The following NCOR1 variants were observed in gnomAD, a reference collection of about 807,000 sequenced individuals.
NCOR1 encodes the protein protein phosphatase 1, regulatory subunit 109.
A neutral mutation model predicts 288.1 loss-of-function variants in NCOR1; 63 were observed. That is an observed-to-expected ratio of 0.22 (90% confidence interval 0.18 to 0.27). NCOR1 has a LOEUF of 0.27. Among genes scored for constraint, NCOR1 ranks in the 10% least tolerant of loss-of-function variants. NCOR1 has a pLI of 1.00. For synonymous variants in NCOR1, 1,007 were observed against 1,065.9 expected (o/e 0.94, Z 1.08); for missense variants, 2,397 against 3,019.2 (o/e 0.79, Z 4.83).
At position 16,057,277 on chromosome 17, in the gene NCOR1, A is replaced by T. The variant is rs2060043905; in HGVS notation, c.6392+237T>A. 5 of 506,706 alleles carry T rather than the reference A, an allele frequency of 9.9e-6. No homozygotes were observed. In the Admixed American group the frequency reaches 1.6e-4, roughly 17 times the overall value. 31.4% of individuals were successfully genotyped at this position (506,706 alleles called of 1,614,324 possible). ...CACATTCTTCTTAACTGTCTTTACA[A>T]ACCAACAAATAGAATATAATCATCT... On this transcript the variant is annotated intron_variant, in intron 40 of 45. Coordinates refer to ENST00000268712, the MANE Select transcript of NCOR1 (RefSeq NM_006311.4).
Position 16,215,494 on chromosome 17 carries a change from C to G in NCOR1, c.-203G>C. 1 of 398,706 alleles carries G rather than the reference C, an allele frequency of 2.5e-6. No individual in the cohort carries two copies. The highest frequency in any genetic ancestry group is 2.1e-5 in the African/African-American group (1 of 48,732). 24.7% of individuals were successfully genotyped at this position (398,706 alleles called of 1,614,324 possible). On this transcript the variant is annotated 5_prime_UTR_variant, in exon 1 of 46. Coordinates refer to ENST00000268712, the MANE Select transcript of NCOR1 (RefSeq NM_006311.4). The stretch of plus-strand genomic sequence containing the variant: ...ACGCTCACTCCAGCCGCCGCCGCCG[C>G]CGCGGCTGCTGCTTCGCCACCTTGG...
At chr17:16,051,162 TGCCTTTACATA>T (rs1339291149) in intron 40 of NCOR1, among the ~76,000 whole-genome samples, 5 of 152,234 alleles carry the variant, frequency 3.3e-5, no homozygotes, top group African/African-American at 1.2e-4. Context: ...TTGTCCATTT[TGCCTTTACATA>T]GCATACTTCA....
intron 4 of NCOR1, among the ~76,000 whole-genome samples, chr17:16,166,303 GC>G (rs2081988504): frequency 6.6e-6 from 1 of 152,176 alleles, no homozygotes; most frequent in South Asian, 2.1e-4. Flanking sequence ...GCAGCTTTAA[GC>G]CCTAGAGTTT....
In NCOR1 at chr17:16,032,383, A is replaced by G. The variant is rs770346969; in HGVS notation, c.7236T>C (p.Ala2412=). The change falls in exon 46 of 46, where the codon GCT becomes GCC. Residue 2412 remains alanine (A), a synonymous_variant. Coordinates refer to ENST00000268712, the MANE Select transcript of NCOR1 (RefSeq NM_006311.4). Reference sequence around the variant, plus strand: ...CCCAGATCCTGTTCTGTTGGTGAGGAGCTGCTTGGTTCACCGCAGAGGGAG... The same window carrying G: ...CCCAGATCCTGTTCTGTTGGTGAGGGGCTGCTTGGTTCACCGCAGAGGGAG... ...ACAPSAVNQA[A]PHQQNRIWER... The G allele has an allele frequency of 1.4e-5, 22 of 1,613,980 alleles. No individual in the cohort carries two copies. In the Admixed American group the frequency reaches 2.3e-4, roughly 17 times the overall value.
intron 4 of NCOR1, among the ~76,000 whole-genome samples, chr17:16,167,107 A>G (rs2082163527): frequency 6.6e-6 from 1 of 152,210 alleles, no homozygotes; most frequent in African/African-American, 2.4e-5. Flanking sequence ...ATAGCAAAAG[A>G]GATTATATTT....
chr17:16,033,930 A>G lies in NCOR1; in HGVS notation c.7135+835T>C, dbSNP rs1034800632. On this transcript the variant is annotated intron_variant, in intron 45 of 45. Coordinates refer to ENST00000268712, the MANE Select transcript of NCOR1 (RefSeq NM_006311.4). ...AAGTGATTCTCCCACCTCTGACCTC[A>G]AGTGATCTGCCCGCCTCAGCCTCCC... is the stretch of plus-strand genomic sequence containing the variant. Among the ~76,000 whole-genome samples the G allele has an allele frequency of 4.6e-5, 7 of 151,716 alleles. No individual in the cohort carries two copies. The South Asian group carries it at 1.2e-3, about 27-fold the overall frequency.
chr17:16,034,988 CAAA>C (rs1170287623), intron 44 of NCOR1, 44 bp from the exon 45 acceptor site: 1 of 1,551,286 alleles, frequency 6.4e-7, no homozygotes, highest in South Asian at 1.2e-5. Flanking sequence ...ATTAAGTTCT[CAAA>C]AATTACCAAA....
At chr17:16,180,286 G>A (rs933963124) in intron 3 of NCOR1, among the ~76,000 whole-genome samples, 5 of 152,156 alleles carry the variant, frequency 3.3e-5, no homozygotes, top group Non-Finnish European at 5.9e-5. Flanking sequence ...AAATGTTGGC[G>A]AGGGTATGGA....
chr17:16,171,920 C>T lies in NCOR1; in HGVS notation c.318G>A (p.Ser106=), dbSNP rs547225082. 3.0e-5 allele frequency: 48 copies of T among 1,612,810 alleles called. No homozygotes were observed. The highest frequency in any genetic ancestry group is 4.0e-5 in the African/African-American group (3 of 74,888). Reference sequence around the variant, plus strand: ...AAACCTGTTCCAGACGTGGTCGCTTCGATTCCAGTGAATCATGATCCACTG... The same window carrying T: ...AAACCTGTTCCAGACGTGGTCGCTTTGATTCCAGTGAATCATGATCCACTG... The part of the protein sequence containing the change: ...PSPVDHDSLE[S]KRPRLEQVSD... The change falls in exon 4 of 46, where the codon TCG becomes TCA. Residue 106 remains serine, a synonymous_variant. Coordinates refer to ENST00000268712, the MANE Select transcript of NCOR1 (RefSeq NM_006311.4).
intron 27 of NCOR1, among the ~76,000 whole-genome samples, chr17:16,074,071 T>C (rs2062085635): frequency 1.3e-5 from 2 of 151,962 alleles, no homozygotes; most frequent in Admixed American, 1.3e-4. Flanking sequence ...CAGAGAAAGG[T>C]ACAATAAAAG....
At position 16,098,466 on chromosome 17, in the gene NCOR1, C is replaced by T. The variant is rs138626157; in HGVS notation, c.2721G>A (p.Leu907=). The T allele has an allele frequency of 4.5e-5, 73 of 1,612,916 alleles. No homozygotes were observed. In the African/African-American group the frequency reaches 7.1e-4, roughly 16 times the overall value. Residue 907 remains leucine, a synonymous_variant, in exon 21 of 46, where the codon CTG becomes CTA. Coordinates refer to ENST00000268712, the MANE Select transcript of NCOR1 (RefSeq NM_006311.4). ...CGAGTATAGATCCAGTGGGGTTTAA[C>T]AGTGAAGGCTTTGAGTCCATAGGAA... ...RMFPMDSKPS[L]LNPTGSILVS...
chr17:16,061,954 G>C, intron 36 of NCOR1, 60 bp from the exon 37 acceptor site: 1 of 1,567,034 alleles, frequency 6.4e-7, no homozygotes. Context: ...GGAATGTGGT[G>C]GGGAGATGGA....
At chr17:16,066,007 A>G (rs371760107) in intron 32 of NCOR1, 7 of 378,614 alleles carry the variant, frequency 1.8e-5, no homozygotes, top group African/African-American at 1.2e-4. Context: ...TTGTGTTTGA[A>G]AATAAAATTG....
chr17:16,181,211 A>ATGTATGTATG (rs758395387), intron 3 of NCOR1, among the ~76,000 whole-genome samples: 201 of 139,576 alleles, frequency 1.4e-3, no homozygotes, highest in Middle Eastern at 7.5e-3. Flanking sequence ...ATATATATGT[A>ATGTATGTATG]TGTGTGTGTG....
At chr17:16,153,573 A>T (rs2079205949) in intron 6 of NCOR1, among the ~76,000 whole-genome samples, 178 bp from the exon 7 acceptor site, 1 of 152,052 alleles carries the variant, frequency 6.6e-6, no homozygotes. Context: ...ATTTTTTCTT[A>T]ATTTGTAGTT....
intron 40 of NCOR1, chr17:16,049,289 G>C (rs116211825): frequency 5.2e-6 from 1 of 193,942 alleles, no homozygotes; most frequent in Admixed American, 6.0e-5. Flanking sequence ...TTGAGGCTCC[G>C]CATGTCCTTC....
At chr17:16,046,112 G>A (rs1022552004) in intron 42 of NCOR1, among the ~76,000 whole-genome samples, 2 of 152,096 alleles carry the variant, frequency 1.3e-5, no homozygotes, top group South Asian at 2.1e-4. Flanking sequence ...ATTTTTACAC[G>A]GTTAGTTTAT....
intron 26 of NCOR1, among the ~76,000 whole-genome samples, chr17:16,076,495 T>C (rs2062471951): frequency 6.6e-6 from 1 of 152,208 alleles, no homozygotes; most frequent in South Asian, 2.1e-4. Flanking sequence ...CTCTTACAAC[T>C]ACACGAGAAG....
intron 14 of NCOR1, among the ~76,000 whole-genome samples, chr17:16,132,797 T>C (rs2075835412): frequency 6.6e-6 from 1 of 151,228 alleles, no homozygotes; most frequent in African/African-American, 2.4e-5. Flanking sequence ...TACACTTTTT[T>C]TTTTTTTTTT....
Sources: gnomAD v4.1 joint callset for allele counts (sites outside exome capture counted in the v4.1 genomes callset) on GRCh38, gnomAD v4.1.1 for gene constraint, MANE v1.5 for transcripts, NCBI Gene and HGNC (gene_info 2026-07-23, HGNC 2026-07-21) for gene names.